The following CREB5 variants were observed in gnomAD, a reference collection of about 807,000 sequenced individuals.
CREB5 encodes cAMP responsive element binding protein 5, also known as cyclic AMP-responsive element-binding protein 5.
CREB5 carries 19 observed loss-of-function variants against 57.1 expected under a neutral mutation model. The observed-to-expected ratio is 0.33, with a 90% CI of 0.23 to 0.49. The LOEUF is 0.49. Among genes scored for constraint, CREB5 ranks in the 20% least tolerant of loss-of-function variants. The probability of loss-of-function intolerance (pLI) is 0.99; values close to 1 mark genes in which losing one functional copy is unlikely to be tolerated. For synonymous variants in CREB5, 238 were observed against 238.3 expected, an observed-to-expected ratio of 1.00 and a Z score of 0.01; for missense variants, 579 against 671.6, an observed-to-expected ratio of 0.86 and a Z score of 1.52.
At chr7:28,671,950 CTT>C (rs751597647) in intron 5 of CREB5, among the ~76,000 whole-genome samples, 35 of 152,172 alleles carry the variant, frequency 2.3e-4, no homozygotes, top group Non-Finnish European at 3.5e-4. Flanking sequence ...TATTATTACA[CTT>C]TCTTAATCTT....
chr7:28,547,358 C>T (rs1794460291), intron 4 of CREB5, among the ~76,000 whole-genome samples: 1 of 152,112 alleles, frequency 6.6e-6, no homozygotes, highest in African/African-American at 2.4e-5. Flanking sequence ...TTGCATTTCT[C>T]TGACTGTAAG....
At chr7:28,674,964 G>C (rs1800245930) in intron 5 of CREB5, among the ~76,000 whole-genome samples, 1 of 152,006 alleles carries the variant, frequency 6.6e-6, no homozygotes, top group Non-Finnish European at 1.5e-5. Context: ...TTCCCTCCAA[G>C]GTCTTCTTTC....
intron 5 of CREB5, among the ~76,000 whole-genome samples, chr7:28,682,986 C>T (rs117279637): frequency 5.9e-4 from 90 of 152,286 alleles, no homozygotes; most frequent in Non-Finnish European, 9.8e-4. Flanking sequence ...AACAGCTGCG[C>T]GGTACCCACC....
rs869277871 is a variant in CREB5 at position 28,306,555 on chromosome 7, G to GTT, written c.-25+7136_-25+7137dup. Among the ~76,000 whole-genome samples the GTT allele has an allele frequency of 8.8e-3, 512 of 58,090 alleles. 13 individuals carry two copies. The highest frequency in any genetic ancestry group is 0.015 in the African/African-American group (236 of 15,488). 38.1% of individuals were successfully genotyped at this position (58,090 alleles called of 152,430 possible). Reference sequence around the variant, plus strand: ...ATACAGATACAGTTTTGTTTTTTTTGTTTTTTTTTTTTTTTTTTTTTTTGA... The same window carrying GTT: ...ATACAGATACAGTTTTGTTTTTTTTGTTTTTTTTTTTTTTTTTTTTTTTTTGA... On this transcript the variant is annotated intron_variant, in intron 1 of 9. Coordinates refer to the CREB5 transcript ENST00000396299.
intron 5 of CREB5, among the ~76,000 whole-genome samples, chr7:28,666,636 T>C (rs2128716622): frequency 6.6e-6 from 1 of 151,858 alleles, no homozygotes; most frequent in East Asian, 1.9e-4. Context: ...CAGGAGAAAA[T>C]GGATACATTG....
chr7:28,512,032 A>T (rs1792725284), intron 4 of CREB5, among the ~76,000 whole-genome samples: 1 of 152,166 alleles, frequency 6.6e-6, no homozygotes, highest in African/African-American at 2.4e-5. Context: ...TTAGATTGGG[A>T]AGTAATAGAA....
At chr7:28,623,246 A>C (rs1288396678) in intron 5 of CREB5, among the ~76,000 whole-genome samples, 1 of 152,210 alleles carries the variant, frequency 6.6e-6, no homozygotes, top group Non-Finnish European at 1.5e-5. Flanking sequence ...AGCCCATAGG[A>C]ATACAGGCAT....
chr7:28,414,040 A>C (rs1007414146), intron 1 of CREB5, among the ~76,000 whole-genome samples: 1 of 152,056 alleles, frequency 6.6e-6, no homozygotes, highest in African/African-American at 2.4e-5. Flanking sequence ...TGTAGTGTTC[A>C]CTAGATCACT....
At chr7:28,629,975 C>T (rs939232511) in intron 5 of CREB5, among the ~76,000 whole-genome samples, 1 of 152,156 alleles carries the variant, frequency 6.6e-6, no homozygotes, top group Non-Finnish European at 1.5e-5. Flanking sequence ...CCTTGGAGAC[C>T]TCCCAATCCA....
chr7:28,471,876 A>T (rs911753818), intron 1 of CREB5, among the ~76,000 whole-genome samples: 30 of 152,200 alleles, frequency 2.0e-4, no homozygotes, highest in African/African-American at 7.2e-4. Context: ...TCATTGTCCC[A>T]CTGTAGCCAC....
intron 1 of CREB5, among the ~76,000 whole-genome samples, chr7:28,331,627 A>G (rs1357242874): frequency 6.6e-6 from 1 of 152,070 alleles, no homozygotes; most frequent in African/African-American, 2.4e-5. Flanking sequence ...AGGTGGGTGG[A>G]TCACTTGAGG....
intron 1 of CREB5, among the ~76,000 whole-genome samples, chr7:28,413,985 C>T (rs1030126119): frequency 6.6e-6 from 1 of 151,972 alleles, no homozygotes; most frequent in Non-Finnish European, 1.5e-5. Flanking sequence ...ATTTTCTTGT[C>T]ATTGGAGTTT....
chr7:28,499,901 T>C (rs979754977), intron 3 of CREB5, among the ~76,000 whole-genome samples: 5 of 152,218 alleles, frequency 3.3e-5, no homozygotes, highest in Non-Finnish European at 5.9e-5. Flanking sequence ...GTCTTTCAAA[T>C]GCCTTGGTAG....
intron 1 of CREB5, among the ~76,000 whole-genome samples, chr7:28,486,670 T>TTA (rs139222705): frequency 0.084 from 7,459 of 89,034 alleles, 1,291 homozygotes; most frequent in East Asian, 0.48. Flanking sequence ...TCCTATGATT[T>TTA]TATATATATA....
intron 1 of CREB5, among the ~76,000 whole-genome samples, chr7:28,310,424 C>G (rs1347649649): frequency 6.6e-6 from 1 of 152,232 alleles, no homozygotes; most frequent in Non-Finnish European, 1.5e-5. Flanking sequence ...GAACCAGATT[C>G]TAGTCCTGGC....
chr7:28,816,558 A>G (rs1030553494), intron 9 of CREB5, among the ~76,000 whole-genome samples: 8 of 130,842 alleles, frequency 6.1e-5, no homozygotes, highest in Non-Finnish European at 1.3e-4. Flanking sequence ...GATTTTTATT[A>G]TTTTGTCATT....
intron 1 of CREB5, among the ~76,000 whole-genome samples, chr7:28,327,777 C>A (rs1785635764): frequency 6.6e-6 from 1 of 152,022 alleles, no homozygotes; most frequent in Non-Finnish European, 1.5e-5. Context: ...AATTTTTGTA[C>A]CTCCCCCTGA....
At chr7:28,425,142 A>T (rs1788447439) in intron 1 of CREB5, among the ~76,000 whole-genome samples, 1 of 152,194 alleles carries the variant, frequency 6.6e-6, no homozygotes, top group African/African-American at 2.4e-5. Flanking sequence ...AAATATGTCC[A>T]ACATCACTAC....
chr7:28,377,359 ATAT>A (rs2127995147), intron 1 of CREB5, among the ~76,000 whole-genome samples: 1 of 152,266 alleles, frequency 6.6e-6, no homozygotes, highest in East Asian at 1.9e-4. Flanking sequence ...TGAAGTGATA[ATAT>A]TTTTGATATA....
Sources: gnomAD v4.1 joint callset for allele counts (sites outside exome capture counted in the v4.1 genomes callset) on GRCh38, gnomAD v4.1.1 for gene constraint, MANE v1.5 for transcripts, NCBI Gene and HGNC (gene_info 2026-07-23, HGNC 2026-07-21) for gene names.